Variants in HOTAIR observed in about 807,000 individuals in gnomAD.
The protein encoded by HOTAIR is HOX transcript antisense RNA (non-protein coding).
At chr12:53,968,845 G>A (rs1391981617) in intron 1 of HOTAIR, 1 of 152,162 alleles carries the variant, frequency 6.6e-6, no homozygotes, top group African/African-American at 2.4e-5. Context: ...TTTTTGCTTT[G>A]TGTCACCTGA....
In HOTAIR at chr12:53,966,170, TTCTC is replaced by T. The variant is rs578243018; in HGVS notation, n.428-87_428-84del. 1.7e-3 allele frequency: 258 copies of T among 152,264 alleles called. 1 individual carries two copies. Among genetic ancestry groups the T allele is most frequent in the Middle Eastern group, 0.01 (3 of 296 alleles). 9.4% of individuals were successfully genotyped at this position (152,264 alleles called of 1,614,324 possible). On this transcript the variant is annotated intron_variant and non_coding_transcript_variant, in intron 4 of 6. Coordinates refer to ENST00000424518, the Ensembl canonical transcript of HOTAIR. ...GACTCCGGGAAACTTTTCTCTCTTTTTCTCTCTCTGGCTCCGCTCCCCGCCAGCT... is the reference window on the plus strand; with the variant it reads ...GACTCCGGGAAACTTTTCTCTCTTTTTCTCTGGCTCCGCTCCCCGCCAGCT...
chr12:53,963,221 G>C (rs1032854056), exon 7 of HOTAIR: 2 of 152,264 alleles, frequency 1.3e-5, no homozygotes, highest in Admixed American at 1.3e-4. Flanking sequence ...AGCCGGGACA[G>C]AGAGGCTTCC....
chr12:53,962,681 G>A (rs752299278), exon 7 of HOTAIR: 16 of 145,088 alleles, frequency 1.1e-4, no homozygotes, highest in African/African-American at 2.0e-4. Context: ...CAGGCATTGG[G>A]AATGGTAATC....
rs528896728 is a variant in HOTAIR at position 53,974,704 on chromosome 12, G to A, written n.59+194C>T. 2.2e-4 allele frequency among the ~76,000 whole-genome samples: 34 copies of A among 151,906 alleles called. 1 individual carries two copies. The highest frequency in any genetic ancestry group is 8.0e-4 in the African/African-American group (33 of 41,444). ...CCCGGAAGCGGCTCTCTGGTGTCTCGGTGCCTGCTGGCCGGCTTCCTCCCC... is the reference window on the plus strand; with the variant it reads ...CCCGGAAGCGGCTCTCTGGTGTCTCAGTGCCTGCTGGCCGGCTTCCTCCCC... On this transcript the variant is annotated intron_variant and non_coding_transcript_variant, in intron 1 of 6. Coordinates refer to ENST00000424518, the Ensembl canonical transcript of HOTAIR.
At chr12:53,969,658 G>A (rs990153339) in intron 1 of HOTAIR, among the ~76,000 whole-genome samples, 3 of 152,248 alleles carry the variant, frequency 2.0e-5, no homozygotes, top group African/African-American at 7.2e-5. Flanking sequence ...AGGCAAGAAG[G>A]TGAAAGCCAA....
chr12:53,974,228 C>G lies in HOTAIR; in HGVS notation n.59+670G>C, dbSNP rs549462857. On this transcript the variant is annotated intron_variant and non_coding_transcript_variant, in intron 1 of 6. Coordinates refer to ENST00000424518, the Ensembl canonical transcript of HOTAIR. ...TCTGTGAAATTTTTAAAAGCGCAAC[C>G]ATTGCGGGCGATATTAACTTTGATC... Among the ~76,000 whole-genome samples, 97 of 151,786 alleles carry G rather than the reference C, an allele frequency of 6.4e-4. 1 individual carries two copies. The highest frequency in any genetic ancestry group is 2.3e-3 in the African/African-American group (95 of 41,398).
intron 3 of HOTAIR, chr12:53,966,390 G>C (rs1262844684): frequency 6.6e-6 from 1 of 152,244 alleles, no homozygotes; most frequent in African/African-American, 2.4e-5. Context: ...AAGAATTGGA[G>C]AGAAAATTAA....
intron 5 of HOTAIR, among the ~76,000 whole-genome samples, chr12:53,964,944 T>C (rs998103432): frequency 6.6e-6 from 1 of 152,222 alleles, no homozygotes; most frequent in Non-Finnish European, 1.5e-5. Flanking sequence ...TCCTCTAGTA[T>C]TGTAATCATT....
At chr12:53,968,728 A>G (rs1439174192) in exon 2 of HOTAIR, 1 of 152,408 alleles carries the variant, frequency 6.6e-6, no homozygotes, top group Non-Finnish European at 1.5e-5. Flanking sequence ...TCAGGGCAGA[A>G]TGTGCAGGCA....
chr12:53,965,324 A>G (rs1015655924), intron 5 of HOTAIR, among the ~76,000 whole-genome samples: 1 of 152,264 alleles, frequency 6.6e-6, no homozygotes, highest in South Asian at 2.1e-4. Context: ...TCTCAGTCCA[A>G]GGCCACTAGG....
chr12:53,967,699 T>C (rs1056486763), intron 2 of HOTAIR, among the ~76,000 whole-genome samples: 1 of 152,128 alleles, frequency 6.6e-6, no homozygotes, highest in African/African-American at 2.4e-5. Context: ...GTCCCCTCAG[T>C]CTGGGAAGGG....
At chr12:53,969,022 A>G (rs1474670680) in intron 1 of HOTAIR, 1 of 152,284 alleles carries the variant, frequency 6.6e-6, no homozygotes, top group Admixed American at 6.5e-5. Context: ...CAGGAGGACT[A>G]GGTCCGAGCC....
chr12:53,965,373 A>C (rs1302504088), intron 5 of HOTAIR, among the ~76,000 whole-genome samples: 2 of 152,232 alleles, frequency 1.3e-5, no homozygotes, highest in Non-Finnish European at 2.9e-5. Flanking sequence ...TGTGAGGAAG[A>C]CAGGGTCTTA....
chr12:53,971,872 C>T (rs1359685412), intron 1 of HOTAIR, among the ~76,000 whole-genome samples: 6 of 152,236 alleles, frequency 3.9e-5, no homozygotes, highest in Non-Finnish European at 2.9e-5. Context: ...TCTTGGGCTA[C>T]AGCTATCCAG....
chr12:53,972,096 C>A (rs1297958372), intron 1 of HOTAIR, among the ~76,000 whole-genome samples: 2 of 152,298 alleles, frequency 1.3e-5, no homozygotes, highest in East Asian at 3.9e-4. Context: ...ACCTTACAGT[C>A]CTCAAAATCA....
chr12:53,973,131 C>A lies in HOTAIR; in HGVS notation n.59+1767G>T. ...CAATATCTACTTTGGATCACGTGCT[C>A]AGAGAGAGAGAGACTAAGACGGATA... On this transcript the variant is annotated intron_variant and non_coding_transcript_variant, in intron 1 of 6. Coordinates refer to ENST00000424518, the Ensembl canonical transcript of HOTAIR. The surrounding 1 kb of genome is among the most constrained non-coding windows in gnomAD (Gnocchi z 4.3). 1.3e-6 allele frequency: 1 copy of A among 787,850 alleles called. No individual in the cohort carries two copies. Among genetic ancestry groups the A allele is most frequent in the Non-Finnish European group, 2.0e-6 (1 of 503,880 alleles). The allele number at this position is 787,850 out of a possible 1,614,324, so 48.8% of individuals were successfully genotyped here.
In HOTAIR at chr12:53,973,602, T is replaced by TACG; in HGVS notation, n.59+1293_59+1295dup. The stretch of plus-strand genomic sequence containing the variant: ...GATCCTCATGAAAAACGAAGGCTCC[T>TACG]ACGGCGGCCACCACCACCCCAGCGC... On this transcript the variant is annotated intron_variant and non_coding_transcript_variant, in intron 1 of 6. Transcript: ENST00000424518. This position sits in a 1 kb window ranked among gnomAD's most constrained non-coding sequence, Gnocchi z 4.3. 1 of 1,613,240 alleles carries TACG rather than the reference T, an allele frequency of 6.2e-7. No individual in the cohort carries two copies. The highest frequency in any genetic ancestry group is 8.5e-7 in the Non-Finnish European group (1 of 1,179,910).
At position 53,973,848 on chromosome 12, in the gene HOTAIR, G is replaced by A; in HGVS notation, n.59+1050C>T. The A allele has an allele frequency of 6.7e-7, 1 of 1,491,644 alleles. No homozygotes were observed. Among genetic ancestry groups the A allele is most frequent in the East Asian group, 2.4e-5 (1 of 40,894 alleles). 92.4% of individuals were successfully genotyped at this position (1,491,644 alleles called of 1,614,324 possible). The stretch of plus-strand genomic sequence containing the variant: ...GGCGGGTGCCGAGGCGGAGGCTGAG[G>A]AGGAGAACACAAATCCCAGCTCGTC... On this transcript the variant is annotated intron_variant and non_coding_transcript_variant, in intron 1 of 6. Coordinates refer to ENST00000424518, the Ensembl canonical transcript of HOTAIR. The surrounding 1 kb of genome is among the most constrained non-coding windows in gnomAD (Gnocchi z 4.3).
rs561984819 is a variant in HOTAIR at position 53,967,563 on chromosome 12, C to T, written n.200-169G>A. On this transcript the variant is annotated intron_variant and non_coding_transcript_variant, in intron 2 of 6. Coordinates refer to ENST00000424518, the Ensembl canonical transcript of HOTAIR. The stretch of plus-strand genomic sequence containing the variant: ...CCACTTATGTTACAAAATGCCTGGG[C>T]TCAACGGGCTGGAGGGGTAGCCGGG... Among the ~76,000 whole-genome samples, 8 of 152,316 alleles carry T rather than the reference C, an allele frequency of 5.3e-5. No individual in the cohort carries two copies. In the East Asian group the frequency reaches 1.5e-3, roughly 29 times the overall value.
Sources: gnomAD v4.1 joint callset for allele counts (sites outside exome capture counted in the v4.1 genomes callset) on GRCh38, gnomAD v4.1.1 for gene constraint, Gnocchi (gnomAD v3.1) non-coding constraint, MANE v1.5 for transcripts, NCBI Gene and HGNC (gene_info 2026-07-23, HGNC 2026-07-21) for gene names.